Variants in GRIK3 observed in about 807,000 individuals in gnomAD.
GRIK3 encodes the protein glutamate ionotropic receptor kainate type subunit 3.
A neutral mutation model predicts 102.5 loss-of-function variants in GRIK3; 29 were observed. That is an observed-to-expected ratio of 0.28 (90% confidence interval 0.21 to 0.39). GRIK3 has a LOEUF of 0.39. GRIK3 is among the 10% of genes least tolerant of loss of function. The pLI is 1.00. For synonymous variants in GRIK3, 511 were observed against 504.9 expected, an observed-to-expected ratio of 1.01 and a Z score of -0.16; for missense variants, 908 against 1,252.4, an observed-to-expected ratio of 0.73 and a Z score of 4.15.
chr1:36,880,686 C>T lies in GRIK3; in HGVS notation c.498G>A (p.Leu166=), dbSNP rs1196640769. 1.2e-6 allele frequency: 2 copies of T among 1,614,116 alleles called. No homozygotes were observed. Among genetic ancestry groups the T allele is most frequent in the South Asian group, 2.2e-5 (2 of 91,088 alleles). Residue 166 remains leucine (L), a synonymous_variant, in exon 3 of 16, where the codon CTG becomes CTA. Transcript: ENST00000373091. The surrounding 1 kb of genome is among the most constrained non-coding windows in gnomAD (Gnocchi z 5.4). ...CTGACCGCCACTTGAGGTACTGGAC[C>T]AGGTCGAGGATGGCATGGCTGAGCG... is the stretch of plus-strand genomic sequence containing the variant. ...YASLSHAILD[L]VQYLKWRSAT... is the part of the protein sequence containing the mutation.
intron 1 of GRIK3, among the ~76,000 whole-genome samples, chr1:36,986,364 C>T (rs535523418): frequency 5.9e-5 from 9 of 151,560 alleles, no homozygotes; most frequent in African/African-American, 1.9e-4. Context: ...TCCATCCATC[C>T]GTCAGTCCGC....
rs982845969 is a variant in GRIK3, at chr1:36,801,690, C to T, written c.*161G>A. 1 of 538,854 alleles carries T rather than the reference C, an allele frequency of 1.9e-6. No homozygotes were observed. The highest frequency in any genetic ancestry group is 3.3e-5 in the South Asian group (1 of 30,536). The allele number at this position is 538,854 out of a possible 1,614,324, so 33.4% of individuals were successfully genotyped here. Reference sequence around the variant, plus strand: ...AAGCCCAAGCAGCTGGCCTGAGAGCCTGCTGGCTTCCTGGCAGGTAAGGGC... The same window carrying T: ...AAGCCCAAGCAGCTGGCCTGAGAGCTTGCTGGCTTCCTGGCAGGTAAGGGC... On this transcript the variant is annotated 3_prime_UTR_variant, in exon 16 of 16. Transcript: ENST00000373091.
Position 36,889,602 on chromosome 1 carries a change from A to T in GRIK3, c.292+1318T>A, listed in dbSNP as rs138832284. On this transcript the variant is annotated intron_variant, in intron 2 of 15. Transcript: ENST00000373091. Reference sequence around the variant, plus strand: ...GGAAGCCCAGGGCTAGATTTTCAGGAGCTAGGTTTCTGTCTTGGGCCTGCT... The same window carrying T: ...GGAAGCCCAGGGCTAGATTTTCAGGTGCTAGGTTTCTGTCTTGGGCCTGCT... Among the ~76,000 whole-genome samples the T allele has an allele frequency of 8.3e-4, 126 of 151,992 alleles. 1 individual carries two copies. Among genetic ancestry groups the T allele is most frequent in the Non-Finnish European group, 3.7e-4 (25 of 67,956 alleles).
At chr1:36,815,685 GC>G (rs2124187880) in intron 13 of GRIK3, among the ~76,000 whole-genome samples, 1 of 152,292 alleles carries the variant, frequency 6.6e-6, no homozygotes, top group African/African-American at 2.4e-5. Flanking sequence ...TTTTAGAAAT[GC>G]ACATTCTCGG....
intron 1 of GRIK3, among the ~76,000 whole-genome samples, chr1:37,018,805 T>G (rs1320990947): frequency 6.6e-6 from 1 of 152,130 alleles, no homozygotes; most frequent in Non-Finnish European, 1.5e-5. Context: ...AAATTGATTA[T>G]TCCATAAATC....
chr1:37,000,130 C>T (rs1453632730), intron 1 of GRIK3, among the ~76,000 whole-genome samples: 1 of 152,218 alleles, frequency 6.6e-6, no homozygotes, highest in Non-Finnish European at 1.5e-5. Context: ...TTTCTGTTCC[C>T]TCCCTAATGC....
At chr1:37,028,414 T>C (rs1288000338) in intron 1 of GRIK3, among the ~76,000 whole-genome samples, 1 of 151,912 alleles carries the variant, frequency 6.6e-6, no homozygotes, top group African/African-American at 2.4e-5. Context: ...CAGGACAATG[T>C]GGGATGTAGT....
chr1:36,863,561 C>T (rs1007212848), intron 5 of GRIK3, among the ~76,000 whole-genome samples: 2 of 152,136 alleles, frequency 1.3e-5, no homozygotes, highest in East Asian at 1.9e-4. Context: ...TCCTGCTTCT[C>T]GTCCCTCTGT....
Position 36,962,010 on chromosome 1 carries a change from C to G in GRIK3, c.116-70914G>C, listed in dbSNP as rs149537536. Reference sequence around the variant, plus strand: ...GCTCTGGGGATGCAGATGAAGGACCCCTGATCCAGACATGCTGGTGGGAAG... The same window carrying G: ...GCTCTGGGGATGCAGATGAAGGACCGCTGATCCAGACATGCTGGTGGGAAG... On this transcript the variant is annotated intron_variant, in intron 1 of 15. Transcript: ENST00000373091. 7.9e-3 allele frequency among the ~76,000 whole-genome samples: 1,202 copies of G among 152,178 alleles called. 10 individuals carry two copies. The highest frequency in any genetic ancestry group is 0.027 in the African/African-American group (1,137 of 41,514).
At position 36,870,106 on chromosome 1, in the gene GRIK3, C is replaced by T. The variant is rs185749463; in HGVS notation, c.733-305G>A. Among the ~76,000 whole-genome samples the T allele has an allele frequency of 5.0e-3, 769 of 152,310 alleles. 6 individuals are homozygous for T. Among genetic ancestry groups the T allele is most frequent in the Non-Finnish European group, 5.2e-3 (352 of 68,024 alleles). On this transcript the variant is annotated intron_variant, in intron 4 of 15. Coordinates refer to ENST00000373091, the MANE Select transcript of GRIK3 (RefSeq NM_000831.4). ...GGTCTAGCTGCCTCTTTTGAGTAAG[C>T]GTCTCCCGGCCTGCCACACTTAGAG...
At chr1:36,908,759 C>T (rs775259385) in intron 1 of GRIK3, among the ~76,000 whole-genome samples, 52 of 150,172 alleles carry the variant, frequency 3.5e-4, no homozygotes, top group Admixed American at 1.9e-3. Context: ...GACACTGAGG[C>T]GGCTAAGAAA....
chr1:37,030,273 T>C (rs1262899716), intron 1 of GRIK3, among the ~76,000 whole-genome samples: 1 of 152,228 alleles, frequency 6.6e-6, no homozygotes, highest in East Asian at 1.9e-4. Context: ...CCAGTCACTG[T>C]GAGAAATTTC....
At position 36,801,989 on chromosome 1, in the gene GRIK3, A is replaced by T. The variant is rs201441800; in HGVS notation, c.2622T>A (p.Arg874=). 1 of 1,613,582 alleles carries T rather than the reference A, an allele frequency of 6.2e-7. No homozygotes were observed. The highest frequency in any genetic ancestry group is 1.3e-5 in the African/African-American group (1 of 74,940). ...GAGGCTGAGGCTTGTGCTTGACTCG[A>T]CGCTGGCAGGTAAGGGAGAAACGGA... ...DEIRFSLTCQ[R]RVKHKPQPPM... is the part of the protein sequence containing the mutation. The change falls in exon 16 of 16, where the codon CGT becomes CGA. Residue 874 remains arginine, a synonymous_variant. Coordinates refer to ENST00000373091, the MANE Select transcript of GRIK3 (RefSeq NM_000831.4).
intron 1 of GRIK3, among the ~76,000 whole-genome samples, chr1:36,936,957 G>A (rs1386997266): frequency 6.6e-6 from 1 of 152,156 alleles, no homozygotes; most frequent in African/African-American, 2.4e-5. Flanking sequence ...CAGGTGCGGG[G>A]GGTAGGATCC....
At chr1:36,810,641 C>A (rs528935964) in intron 13 of GRIK3, among the ~76,000 whole-genome samples, 5 of 152,288 alleles carry the variant, frequency 3.3e-5, no homozygotes, top group African/African-American at 1.2e-4. Context: ...GATGCAGTAG[C>A]AATGGGATTG....
rs1273626341 is a variant in GRIK3, at chr1:36,801,833, T to C, written c.*18A>G. Reference sequence around the variant, plus strand: ...CTCTGCCCAGCCCCCAGGCCTGAGGTCCCCACCCCAGCTGTGCCTAGGGGA... The same window carrying C: ...CTCTGCCCAGCCCCCAGGCCTGAGGCCCCCACCCCAGCTGTGCCTAGGGGA... On this transcript the variant is annotated 3_prime_UTR_variant, in exon 16 of 16. Transcript: ENST00000373091. 2 of 1,576,508 alleles carry C rather than the reference T, an allele frequency of 1.3e-6. No homozygotes were observed. Among genetic ancestry groups the C allele is most frequent in the Non-Finnish European group, 1.7e-6 (2 of 1,160,180 alleles).
chr1:36,954,180 G>GGT (rs1641877355), intron 1 of GRIK3, among the ~76,000 whole-genome samples: 1 of 152,188 alleles, frequency 6.6e-6, no homozygotes, highest in Admixed American at 6.5e-5. Flanking sequence ...ATAGAGGGGG[G>GGT]CATTCCTGTT....
At chr1:36,899,716 GTAAA>G (rs902662121) in intron 1 of GRIK3, among the ~76,000 whole-genome samples, 5 of 152,080 alleles carry the variant, frequency 3.3e-5, no homozygotes, top group South Asian at 2.1e-4. Flanking sequence ...CAATAAAAAA[GTAAA>G]TGAATGAAGA....
At chr1:36,835,646 T>C (rs1640368137) in intron 10 of GRIK3, among the ~76,000 whole-genome samples, 1 of 152,214 alleles carries the variant, frequency 6.6e-6, no homozygotes, top group African/African-American at 2.4e-5. Flanking sequence ...GCTGAGACAT[T>C]GCTCAATAAA....
Sources: gnomAD v4.1 joint callset for allele counts (sites outside exome capture counted in the v4.1 genomes callset) on GRCh38, gnomAD v4.1.1 for gene constraint, Gnocchi (gnomAD v3.1) non-coding constraint, MANE v1.5 for transcripts, NCBI Gene and HGNC (gene_info 2026-07-23, HGNC 2026-07-21) for gene names.